The following CUL5 variants were observed in gnomAD, a reference collection of about 807,000 sequenced individuals.
The protein encoded by CUL5 is cullin 5, also known as cullin-5.
In CUL5, 26 loss-of-function variants were observed where a neutral mutation model predicts 108.8. That is an observed-to-expected ratio of 0.24 (90% CI 0.18 to 0.33). The LOEUF (loss-of-function observed/expected upper bound fraction) is 0.33. CUL5 is among the 10% of genes least tolerant of loss of function. The pLI is 1.00. For missense variants in CUL5, 524 were observed against 909.2 expected, an observed-to-expected ratio of 0.58 and a Z score of 5.45; for synonymous variants, 334 against 298.0, an observed-to-expected ratio of 1.12 and a Z score of -1.25.
chr11:108,063,247 A>G (rs1221974773), intron 7 of CUL5, among the ~76,000 whole-genome samples: 1 of 152,044 alleles, frequency 6.6e-6, no homozygotes, highest in African/African-American at 2.4e-5. Flanking sequence ...CTCTATTTCC[A>G]TGAGTTCAAT....
At chr11:108,091,201 G>A (rs953443053) in intron 13 of CUL5, among the ~76,000 whole-genome samples, 2 of 151,908 alleles carry the variant, frequency 1.3e-5, no homozygotes, top group African/African-American at 4.8e-5. Context: ...ACAGGTTTGT[G>A]CCATGACGCC....
chr11:108,055,359 A>G (rs547695887), intron 7 of CUL5, among the ~76,000 whole-genome samples: 1 of 152,178 alleles, frequency 6.6e-6, no homozygotes, highest in East Asian at 1.9e-4. Flanking sequence ...GCAAACACCA[A>G]ATTAGTGAAT....
intron 11 of CUL5, among the ~76,000 whole-genome samples, chr11:108,081,863 G>A (rs1864095453): frequency 6.6e-6 from 1 of 152,224 alleles, no homozygotes; most frequent in South Asian, 2.1e-4. Flanking sequence ...GTGATTTACT[G>A]TAGCCTTGCG....
rs199665006 is a variant in CUL5 at position 108,020,550 on chromosome 11, T to A, written c.24+11178T>A. On this transcript the variant is annotated intron_variant, in intron 1 of 18. Transcript: ENST00000393094. The stretch of plus-strand genomic sequence containing the variant: ...TGTGTTTGTGATTTTTTTTTTTTTG[T>A]TTTTTGTTTAAAATAGAGACAGGGT... Among the ~76,000 whole-genome samples, 3 of 148,474 alleles carry A rather than the reference T, an allele frequency of 2.0e-5. No homozygotes were observed. In the Admixed American group the frequency reaches 2.0e-4, roughly 10 times the overall value.
chr11:108,055,854 C>A (rs570135268), intron 7 of CUL5, among the ~76,000 whole-genome samples: 1 of 152,146 alleles, frequency 6.6e-6, no homozygotes, highest in East Asian at 1.9e-4. Context: ...TGATCTTGAA[C>A]GCCTAAGCTC....
chr11:108,017,234 A>G (rs1337209757), intron 1 of CUL5, among the ~76,000 whole-genome samples: 2 of 151,940 alleles, frequency 1.3e-5, no homozygotes, highest in Non-Finnish European at 2.9e-5. Context: ...CAAAAAATAA[A>G]AAATAAATAC....
chr11:108,060,681 C>CA (rs1321564625), intron 7 of CUL5, among the ~76,000 whole-genome samples: 1 of 151,902 alleles, frequency 6.6e-6, no homozygotes, highest in Non-Finnish European at 1.5e-5. Context: ...ACTAAAAATA[C>CA]AAAAAATTAC....
At chr11:108,096,199 A>C (rs1864489114) in intron 16 of CUL5, among the ~76,000 whole-genome samples, 1 of 151,724 alleles carries the variant, frequency 6.6e-6, no homozygotes, top group African/African-American at 2.4e-5. Flanking sequence ...GTGCTTCAAA[A>C]AAAAGGAGAG....
At chr11:108,059,024 C>T (rs189068927) in intron 7 of CUL5, among the ~76,000 whole-genome samples, 199 of 152,194 alleles carry the variant, frequency 1.3e-3, no homozygotes, top group Non-Finnish European at 2.1e-3. Flanking sequence ...TTTTAAGAGG[C>T]AGAGTCTCGC....
chr11:108,039,335 A>G (rs1283036857), intron 2 of CUL5, among the ~76,000 whole-genome samples: 1 of 151,458 alleles, frequency 6.6e-6, no homozygotes, highest in Admixed American at 6.6e-5. Flanking sequence ...ATGCTTATGA[A>G]CTCCAGTCAT....
At chr11:108,096,564 CTTTTTTTT>C (rs71047671) in intron 16 of CUL5, among the ~76,000 whole-genome samples, 121 of 45,876 alleles carry the variant, frequency 2.6e-3, no homozygotes, top group African/African-American at 9.7e-3. Flanking sequence ...CAGCTATGTA[CTTTTTTTT>C]TTTTTTTTTT....
chr11:108,063,981 G>A (rs891392142), intron 7 of CUL5, among the ~76,000 whole-genome samples: 14 of 152,172 alleles, frequency 9.2e-5, no homozygotes, highest in Non-Finnish European at 1.3e-4. Context: ...GCAAACAAGC[G>A]TAGTTTGACA....
At chr11:108,046,928 ATGT>A (rs551646587) in intron 3 of CUL5, among the ~76,000 whole-genome samples, 76 of 152,268 alleles carry the variant, frequency 5.0e-4, no homozygotes, top group Admixed American at 7.8e-4. Flanking sequence ...ACACCTTGTA[ATGT>A]TGTTTCAAAT....
intron 18 of CUL5, among the ~76,000 whole-genome samples, chr11:108,103,346 G>T (rs887491404): frequency 6.6e-6 from 1 of 151,870 alleles, no homozygotes; most frequent in African/African-American, 2.4e-5. Flanking sequence ...GAGTATTTGA[G>T]TCTGGGGGTT....
At chr11:108,058,362 C>T (rs1432932580) in intron 7 of CUL5, among the ~76,000 whole-genome samples, 7 of 144,628 alleles carry the variant, frequency 4.8e-5, no homozygotes, top group African/African-American at 1.5e-4. Flanking sequence ...GATTCTCATG[C>T]CTCAGCCTCC....
intron 1 of CUL5, among the ~76,000 whole-genome samples, chr11:108,022,025 C>G (rs1862339437): frequency 6.6e-6 from 1 of 150,926 alleles, no homozygotes; most frequent in Admixed American, 6.6e-5. Context: ...TCCATCCATT[C>G]TTAGAGATGG....
At chr11:108,073,250 T>C (rs936782182) in intron 9 of CUL5, 140 bp from the exon 10 acceptor site, 2 of 540,522 alleles carry the variant, frequency 3.7e-6, no homozygotes, top group East Asian at 3.4e-5. Context: ...AACAGTAATA[T>C]TGGAACACCT....
At chr11:108,069,973 A>T (rs1863781036) in intron 7 of CUL5, 123 bp from the exon 8 acceptor site, 1 of 553,310 alleles carries the variant, frequency 1.8e-6, no homozygotes, top group East Asian at 2.8e-5. Flanking sequence ...TAGTTAAGGT[A>T]AGTGAAATCT....
intron 1 of CUL5, among the ~76,000 whole-genome samples, chr11:108,025,576 G>A (rs953906208): frequency 2.6e-5 from 4 of 152,076 alleles, no homozygotes; most frequent in African/African-American, 4.8e-5. Flanking sequence ...CCAATGCCTG[G>A]CACTTTAAAG....
Sources: allele counts gnomAD v4.1 joint callset (sites outside exome capture counted in the v4.1 genomes callset), GRCh38; gene constraint gnomAD v4.1.1; transcripts MANE v1.5; gene names NCBI Gene and HGNC (gene_info 2026-07-23, HGNC 2026-07-21).